CDH23: variants seen among roughly 807,000 people sequenced by gnomAD.
CDH23 encodes the protein cadherin related 23.
A neutral mutation model predicts 317.1 loss-of-function variants in CDH23; 189 were observed. That is an observed-to-expected ratio of 0.60 (90% CI 0.53 to 0.67). The LOEUF (loss-of-function observed/expected upper bound fraction) is 0.67, where lower values mean the gene tolerates loss of function less well. Among genes scored for constraint, CDH23 ranks in the 30% least tolerant of loss-of-function variants. The pLI is 0.00. For synonymous variants in CDH23, 1,839 were observed against 1,876.8 expected, an observed-to-expected ratio of 0.98 and a Z score of 0.52; for missense variants, 4,401 against 4,592.4, an observed-to-expected ratio of 0.96 and a Z score of 1.20.
intron 44 of CDH23, among the ~76,000 whole-genome samples, chr10:71,786,418 AG>A (rs529124188): frequency 2.0e-5 from 3 of 151,156 alleles, no homozygotes; most frequent in Admixed American, 6.6e-5. Flanking sequence ...GTCTAGCCAG[AG>A]GAGACGTCAG....
intron 14 of CDH23, among the ~76,000 whole-genome samples, chr10:71,666,185 G>A (rs1307015530): frequency 6.6e-6 from 1 of 151,840 alleles, no homozygotes; most frequent in African/African-American, 2.4e-5. Context: ...AGTGCTTTGA[G>A]CCTCCAGCCC....
chr10:71,762,933 T>G (rs1305821519), intron 38 of CDH23, among the ~76,000 whole-genome samples: 1 of 152,202 alleles, frequency 6.6e-6, no homozygotes, highest in African/African-American at 2.4e-5. Flanking sequence ...CTCCAGCATT[T>G]AATTGGGTTG....
At chr10:71,422,386 C>G (rs1848857930) in intron 1 of CDH23, among the ~76,000 whole-genome samples, 1 of 152,154 alleles carries the variant, frequency 6.6e-6, no homozygotes, top group Admixed American at 6.5e-5. Flanking sequence ...TTCCTGAGTC[C>G]CCATTTCTTC....
chr10:71,432,659 G>A (rs1024394829), intron 1 of CDH23, among the ~76,000 whole-genome samples: 2 of 150,970 alleles, frequency 1.3e-5, no homozygotes, highest in Admixed American at 6.6e-5. Context: ...TCCGAGCCTG[G>A]GTTTTAGCCC....
intron 28 of CDH23, among the ~76,000 whole-genome samples, chr10:71,722,189 C>T (rs967401024): frequency 3.3e-5 from 5 of 152,162 alleles, no homozygotes; most frequent in Admixed American, 2.6e-4. Context: ...GCCTGTAATC[C>T]CACCACTTTG....
chr10:71,604,539 G>T (rs1196737480), intron 9 of CDH23, among the ~76,000 whole-genome samples: 1 of 152,210 alleles, frequency 6.6e-6, no homozygotes, highest in African/African-American at 2.4e-5. Flanking sequence ...CTCAGAGCCA[G>T]ACAAAAATCC....
chr10:71,796,106 C>A, intron 48 of CDH23: 1 of 985,452 alleles, frequency 1.0e-6, no homozygotes, highest in Non-Finnish European at 1.2e-6. Context: ...TGGCTGGGGA[C>A]CCACGGAAGA....
intron 44 of CDH23, among the ~76,000 whole-genome samples, chr10:71,788,721 C>G (rs1480154632): frequency 6.6e-6 from 1 of 152,214 alleles, no homozygotes; most frequent in Non-Finnish European, 1.5e-5. Flanking sequence ...TCCCAAAGTG[C>G]TGGGATTACA....
intron 2 of CDH23, among the ~76,000 whole-genome samples, chr10:71,441,748 T>A (rs542067602): frequency 2.6e-4 from 37 of 142,744 alleles, no homozygotes; most frequent in African/African-American, 9.1e-4. Flanking sequence ...AAAAAAAAAA[T>A]ACATCAGTAG....
At chr10:71,643,715 C>A in intron 11 of CDH23, 146 bp from the exon 12 acceptor site, 1 of 629,808 alleles carries the variant, frequency 1.6e-6, no homozygotes, top group Admixed American at 2.5e-5. Context: ...CTGGGGACAG[C>A]TGCTCCTCTA....
At chr10:71,794,225 C>A (rs1841343680) in intron 48 of CDH23, among the ~76,000 whole-genome samples, 1 of 152,194 alleles carries the variant, frequency 6.6e-6, no homozygotes, top group Admixed American at 6.5e-5. Context: ...TGGTCTTGAT[C>A]ATCCTGACCT....
intron 21 of CDH23, 65 bp from the exon 22 acceptor site, chr10:71,695,353 T>A: frequency 8.6e-7 from 1 of 1,163,794 alleles, no homozygotes; most frequent in South Asian, 1.2e-5. Flanking sequence ...ACTTTTCCCC[T>A]GGCAGGCCCT....
intron 14 of CDH23, among the ~76,000 whole-genome samples, chr10:71,667,123 C>T (rs1042245883): frequency 1.3e-5 from 2 of 152,258 alleles, no homozygotes; most frequent in African/African-American, 4.8e-5. Context: ...GCTGCGGAGG[C>T]AGCTGGGCCT....
At chr10:71,783,527 T>C (rs1158182265) in intron 41 of CDH23, among the ~76,000 whole-genome samples, 2 of 152,238 alleles carry the variant, frequency 1.3e-5, no homozygotes, top group African/African-American at 4.8e-5. Flanking sequence ...CTGGACGGTC[T>C]CTGGGCTGCC....
At chr10:71,810,413 C>T in intron 61 of CDH23, 59 bp from the exon 62 acceptor site, 1 of 1,497,230 alleles carries the variant, frequency 6.7e-7, no homozygotes. Flanking sequence ...AAGAGGCCTG[C>T]CCATCCCTGT....
At chr10:71,752,826 C>T (rs1564775510) in intron 38 of CDH23, 2 of 969,140 alleles carry the variant, frequency 2.1e-6, no homozygotes, top group Admixed American at 2.9e-5. Flanking sequence ...AGCCAATCTG[C>T]ACAGATGTGC....
intron 3 of CDH23, among the ~76,000 whole-genome samples, chr10:71,509,562 T>G (rs1341166046): frequency 6.6e-6 from 1 of 152,194 alleles, no homozygotes; most frequent in African/African-American, 2.4e-5. Flanking sequence ...GCAACTCCCA[T>G]GAAAGAGAGC....
intron 38 of CDH23, chr10:71,761,560 C>A (rs1414414062): frequency 6.6e-7 from 1 of 1,520,050 alleles, no homozygotes; most frequent in Admixed American, 1.9e-5. Flanking sequence ...AGGCAGCCCT[C>A]CACACACGCC....
chr10:71,496,820 G>A (rs1853000166), intron 3 of CDH23, among the ~76,000 whole-genome samples: 2 of 102,336 alleles, frequency 2.0e-5, no homozygotes, highest in Non-Finnish European at 4.7e-5. Context: ...GATGTATGTG[G>A]TCTGGTGTAC....
Sources: allele counts gnomAD v4.1 joint callset (sites outside exome capture counted in the v4.1 genomes callset), GRCh38; gene constraint gnomAD v4.1.1; transcripts MANE v1.5; gene names NCBI Gene and HGNC (gene_info 2026-07-23, HGNC 2026-07-21).